Variants in NYNRIN observed in about 807,000 individuals in gnomAD.
NYNRIN encodes protein NYNRIN.
NYNRIN carries 86 observed loss-of-function variants against 146.6 expected under a neutral mutation model. The observed-to-expected ratio is 0.59, with a 90% CI of 0.49 to 0.70. The LOEUF (loss-of-function observed/expected upper bound fraction) is 0.70, where lower values mean the gene tolerates loss of function less well. Among genes scored for constraint, NYNRIN ranks in the 30% least tolerant of loss-of-function variants. The probability of loss-of-function intolerance (pLI) is 0.00; values close to 1 mark genes in which losing one functional copy is unlikely to be tolerated. For missense variants in NYNRIN, 2,191 were observed against 2,377.7 expected (o/e 0.92, Z 1.63); for synonymous variants, 1,027 against 1,001.3 (o/e 1.03, Z -0.48).
Position 24,410,107 on chromosome 14 carries a change from C to T in NYNRIN, c.2313C>T (p.Tyr771=). 6.2e-7 allele frequency: 1 copy of T among 1,613,992 alleles called. No homozygotes were observed. Among genetic ancestry groups the T allele is most frequent in the Non-Finnish European group, 8.5e-7 (1 of 1,179,916 alleles). ...GCACAGTGACCAGCTTCCAGAGGTA[C>T]CACGAGGCCCTGAATACACCCTTCG... ...ANSTVTSFQR[Y]HEALNTPFEL... Residue 771 remains tyrosine, a synonymous_variant, in exon 4 of 9, where the codon TAC becomes TAT. Transcript: ENST00000382554.
chr14:24,417,257 C>G lies in NYNRIN; in HGVS notation c.5508C>G (p.Ser1836=). ...TGGGTGACCAGGTCCTTTTGCTGTC[C>G]CTCCCCAGGAATGGCAGCAGTGCCA... ...WNVGDQVLLL[S]LPRNGSSAKW... Residue 1836 remains serine, a synonymous_variant, in exon 9 of 9, where the codon TCC becomes TCG. Coordinates refer to ENST00000382554, the MANE Select transcript of NYNRIN (RefSeq NM_025081.3). 1 of 1,614,024 alleles carries G rather than the reference C, an allele frequency of 6.2e-7. No homozygotes were observed. The highest frequency in any genetic ancestry group is 2.2e-5 in the East Asian group (1 of 44,876).
At chr14:24,406,826 G>T (rs573293094) in intron 2 of NYNRIN, among the ~76,000 whole-genome samples, 1 of 152,226 alleles carries the variant, frequency 6.6e-6, no homozygotes. Flanking sequence ...TCATGGGACC[G>T]CACAGATGGA....
intron 6 of NYNRIN, chr14:24,412,746 T>A: frequency 2.6e-6 from 1 of 381,030 alleles, no homozygotes; most frequent in Non-Finnish European, 4.8e-6. Flanking sequence ...ATAACAGGGG[T>A]GTGTGTTTGT....
rs1329204270 is a variant in NYNRIN, at chr14:24,415,424, C to T, written c.3675C>T (p.Asp1225=). The change falls in exon 9 of 9, where the codon GAC becomes GAT. Residue 1225 remains aspartate (D), a synonymous_variant. Coordinates refer to ENST00000382554, the MANE Select transcript of NYNRIN (RefSeq NM_025081.3). ...ALKHFSRCIG[D]TPVVLDLSYA... ...AGCATTTTTCCCGCTGCATTGGAGACACCCCGGTGGTCCTGGACCTTTCCT... is the reference window on the plus strand; with the variant it reads ...AGCATTTTTCCCGCTGCATTGGAGATACCCCGGTGGTCCTGGACCTTTCCT... 2.8e-5 allele frequency: 45 copies of T among 1,613,978 alleles called. No individual in the cohort carries two copies. Among genetic ancestry groups the T allele is most frequent in the South Asian group, 7.7e-5 (7 of 91,088 alleles).
In NYNRIN at chr14:24,414,587, T is replaced by G. The variant is rs758449555; in HGVS notation, c.2847-9T>G. 4.4e-6 allele frequency: 7 copies of G among 1,598,180 alleles called. No homozygotes were observed. Among genetic ancestry groups the G allele is most frequent in the Middle Eastern group, 3.4e-4 (2 of 5,942 alleles). On this transcript the variant is annotated splice_polypyrimidine_tract_variant and intron_variant, in intron 8 of 8. Transcript: ENST00000382554. The stretch of plus-strand genomic sequence containing the variant: ...GCTGCCCTTCCCTCTTCCATCTGTT[T>G]TGGTGTAGGTTGGACACTGACATTG...
In NYNRIN at chr14:24,408,379, G is replaced by A. The variant is rs779532173; in HGVS notation, c.709G>A (p.Val237Met). 42 of 1,613,784 alleles carry A rather than the reference G, an allele frequency of 2.6e-5. No homozygotes were observed. In the East Asian group the frequency reaches 2.9e-4, roughly 11 times the overall value. The change falls in exon 3 of 9, where the codon GTG becomes ATG. Residue 237 changes from valine (V) to methionine (M), a missense_variant. Val to Met is a conservative substitution (Grantham distance 21). Coordinates refer to ENST00000382554, the MANE Select transcript of NYNRIN (RefSeq NM_025081.3). ...QQKEAPAMVS[V>M]GESPGPFVDM... ...GAAGGAAGCCCCAGCCATGGTGTCC[G>A]TGGGAGAGAGTCCTGGACCCTTTGT...
chr14:24,407,820 G>T (rs1039643318), intron 2 of NYNRIN, 49 bp from the exon 3 acceptor site: 1 of 1,521,992 alleles, frequency 6.6e-7, no homozygotes, highest in East Asian at 2.3e-5. Context: ...AGATCCAGGG[G>T]CAGGCCCCCA....
rs778480620 is a variant in NYNRIN, at chr14:24,408,277, A to C, written c.607A>C (p.Ile203Leu). 10 of 1,611,864 alleles carry C rather than the reference A, an allele frequency of 6.2e-6. 1 individual carries two copies. In the South Asian group the frequency reaches 9.9e-5, roughly 16 times the overall value. Residue 203 changes from isoleucine (I) to leucine (L), a missense_variant, in exon 3 of 9, where the codon ATC (isoleucine) becomes CTC (leucine). By Grantham distance (5) the Ile-to-Leu change is conservative (BLOSUM62 2). This residue lies in a region of NYNRIN where 895 missense variants were observed against 941.2 expected (regional missense o/e 0.95). Coordinates refer to ENST00000382554, the MANE Select transcript of NYNRIN (RefSeq NM_025081.3). ...GGATGCTGCGGGCAAGGAAGACATC[A>C]TCGAGTGGCTCAGCCGCTTCGGCAT... is the stretch of plus-strand genomic sequence containing the variant. ...VRDAAGKEDIIEWLSRFGISD... is the reference protein window; with the variant it reads ...VRDAAGKEDILEWLSRFGISD...
Position 24,415,561 on chromosome 14 carries a change from A to G in NYNRIN, c.3812A>G (p.Glu1271Gly). ...CAGGACAAAGGCAAGAGGGCCCTGG[A>G]ATTGGCCCTCCTCCAGGGCCTGCTG... is the stretch of plus-strand genomic sequence containing the variant. ...LVQDKGKRAL[E>G]LALLQGLLGE... Residue 1271 changes from glutamate to glycine, a missense_variant, in exon 9 of 9, where the codon GAA becomes GGA. Transcript: ENST00000382554. The G allele has an allele frequency of 6.2e-7, 1 of 1,613,826 alleles. No homozygotes were observed. The highest frequency in any genetic ancestry group is 1.3e-5 in the African/African-American group (1 of 75,002).
rs751416767 is a variant in NYNRIN, at chr14:24,408,335, T to A, written c.665T>A (p.Ile222Asn). The part of the protein sequence containing the change: ...SDSHSDPEVL[I>N]CPPQQQKEAP... ...TCCCACTCCGATCCGGAGGTTCTAA[T>A]CTGCCCTCCCCAGCAGCAGAAGGAA... The change falls in exon 3 of 9, where the codon ATC becomes AAC. Residue 222 changes from isoleucine to asparagine, a missense_variant. Ile to Asn is a moderately radical substitution (Grantham distance 149). Coordinates refer to ENST00000382554, the MANE Select transcript of NYNRIN (RefSeq NM_025081.3). 1 of 1,613,794 alleles carries A rather than the reference T, an allele frequency of 6.2e-7. No individual in the cohort carries two copies. Among genetic ancestry groups the A allele is most frequent in the Non-Finnish European group, 8.5e-7 (1 of 1,179,902 alleles).
chr14:24,417,436 T>C lies in NYNRIN; in HGVS notation c.5687T>C (p.Leu1896Ser). 1 of 1,493,720 alleles carries C rather than the reference T, an allele frequency of 6.7e-7. No individual in the cohort carries two copies. Among genetic ancestry groups the C allele is most frequent in the African/African-American group, 1.4e-5 (1 of 71,594 alleles). The allele number at this position is 1,493,720 out of a possible 1,614,324, so 92.5% of individuals were successfully genotyped here. Residue 1896 changes from leucine (L) to serine (S), a missense_variant, in exon 9 of 9, where the codon TTG becomes TCG. Physicochemically the swap from Leu to Ser is moderately radical, Grantham distance 145. This residue lies in a region of NYNRIN where 1,291 missense variants were observed against 1,417.0 expected (regional missense o/e 0.91). Coordinates refer to ENST00000382554, the MANE Select transcript of NYNRIN (RefSeq NM_025081.3). ...GGCACCCCGCTGTCCTTCAAGGTCTTGGAGCAGTGAGCGGGAGCAGCGGGG... is the reference window on the plus strand; with the variant it reads ...GGCACCCCGCTGTCCTTCAAGGTCTCGGAGCAGTGAGCGGGAGCAGCGGGG... The part of the protein sequence containing the change: ...KSGTPLSFKV[L>S]EQ
rs2139339471 is a variant in NYNRIN at position 24,399,547 on chromosome 14, C to T, written c.198+103C>T. ...CCGCAGAGACACCACCCACCCTGCC[C>T]CCGCCTGGATTTGGCAGTGTGGCAG... On this transcript the variant is annotated intron_variant, in intron 2 of 8. Transcript: ENST00000382554. The T allele has an allele frequency of 5.6e-6, 6 of 1,074,758 alleles. 1 individual carries two copies. In the Middle Eastern group the frequency reaches 1.1e-3, roughly 205 times the overall value. The allele number at this position is 1,074,758 out of a possible 1,614,324, so 66.6% of individuals were successfully genotyped here. A position where few individuals can be genotyped will look rare whatever the true frequency, so the allele number is the denominator to read the frequency against.
In NYNRIN at chr14:24,414,633, A is replaced by T; in HGVS notation, c.2884A>T (p.Lys962Ter). 2 of 1,613,662 alleles carry T rather than the reference A, an allele frequency of 1.2e-6. No individual in the cohort carries two copies. Among genetic ancestry groups the T allele is most frequent in the Non-Finnish European group, 1.7e-6 (2 of 1,179,684 alleles). Reference protein sequence around the residue: ...TDIGNFLKVWKTLPPSSASVT... With the variant: ...TDIGNFLKVW The stretch of plus-strand genomic sequence containing the variant: ...CATTGGCAACTTCCTGAAGGTGTGG[A>T]AGACCCTTCCTCCCAGCTCAGCCAG... The change falls in exon 9 of 9, where the codon AAG becomes TAG. Residue 962 changes from lysine (K) to a stop codon, truncating the protein, a stop_gained. Coordinates refer to ENST00000382554, the MANE Select transcript of NYNRIN (RefSeq NM_025081.3). LOFTEE classifies it high-confidence loss of function.
In NYNRIN at chr14:24,399,047, G is replaced by T; in HGVS notation, c.-57G>T. The T allele has an allele frequency of 3.8e-6, 2 of 525,158 alleles. No homozygotes were observed. The highest frequency in any genetic ancestry group is 5.0e-5 in the South Asian group (2 of 40,272). 32.5% of individuals were successfully genotyped at this position (525,158 alleles called of 1,614,324 possible). ...CTCGTCGCGGTAGCAGCGGTCGAAG[G>T]GGACCAAGCTCCAGAGGGCGGGCGC... is the stretch of plus-strand genomic sequence containing the variant. On this transcript the variant is annotated 5_prime_UTR_variant, in exon 1 of 9. Coordinates refer to ENST00000382554, the MANE Select transcript of NYNRIN (RefSeq NM_025081.3).
In NYNRIN at chr14:24,409,566, C is replaced by G; in HGVS notation, c.1772C>G (p.Ala591Gly). The stretch of plus-strand genomic sequence containing the variant: ...CCTGCAGCTCCCGAAGTGCCTTTGG[C>G]TCCAACAAAGCCAACAGCTCAACTG... ...TEPAAPEVPLAPTKPTAQLMA... is the reference protein window; with the variant it reads ...TEPAAPEVPLGPTKPTAQLMA... Residue 591 changes from alanine to glycine, a missense_variant, in exon 4 of 9, where the codon GCT becomes GGT. By Grantham distance (60) the Ala-to-Gly change is moderately conservative. Transcript: ENST00000382554. 1 of 1,611,242 alleles carries G rather than the reference C, an allele frequency of 6.2e-7. No homozygotes were observed. The highest frequency in any genetic ancestry group is 8.5e-7 in the Non-Finnish European group (1 of 1,178,660).
At chr14:24,399,163 T>C in intron 1 of NYNRIN, 67 bp from the exon 2 acceptor site, 1 of 1,330,730 alleles carries the variant, frequency 7.5e-7, no homozygotes, top group Non-Finnish European at 1.0e-6. Context: ...CTTAGGCGCC[T>C]GGGGCTGGGG....
Position 24,399,271 on chromosome 14 carries a change from C to T in NYNRIN, c.25C>T (p.Pro9Ser), listed in dbSNP as rs1438169552. The change falls in exon 2 of 9, where the codon CCG becomes TCG. Residue 9 changes from proline (P) to serine (S), a missense_variant. This residue lies in a region of NYNRIN where 895 missense variants were observed against 941.2 expected (regional missense o/e 0.95). Coordinates refer to ENST00000382554, the MANE Select transcript of NYNRIN (RefSeq NM_025081.3). MLLSGGDP[P>S]AQEWFMVQTK... ...CATGCTCCTGTCTGGGGGCGATCCT[C>T]CGGCGCAGGAATGGTTCATGGTGCA... The T allele has an allele frequency of 3.7e-6, 6 of 1,613,916 alleles. No individual in the cohort carries two copies. Among genetic ancestry groups the T allele is most frequent in the Non-Finnish European group, 2.5e-6 (3 of 1,179,856 alleles).
intron 2 of NYNRIN, among the ~76,000 whole-genome samples, chr14:24,403,439 T>C (rs1435248368): frequency 6.6e-6 from 1 of 152,250 alleles, no homozygotes; most frequent in Non-Finnish European, 1.5e-5. Context: ...TCCTTTGCCT[T>C]TTTTCTTTGC....
chr14:24,409,542 C>G lies in NYNRIN; in HGVS notation c.1748C>G (p.Pro583Arg), dbSNP rs1451330282. ...ATGATGCTGGCAGTGCACACAGAGC[C>G]TGCAGCTCCCGAAGTGCCTTTGGCT... The part of the protein sequence containing the change: ...SRMMLAVHTE[P>R]AAPEVPLAPT... The change falls in exon 4 of 9, where the codon CCT (proline) becomes CGT (arginine). Residue 583 changes from proline (P) to arginine (R), a missense_variant. Coordinates refer to ENST00000382554, the MANE Select transcript of NYNRIN (RefSeq NM_025081.3). 6.2e-7 allele frequency: 1 copy of G among 1,612,352 alleles called. No homozygotes were observed. The highest frequency in any genetic ancestry group is 2.2e-5 in the East Asian group (1 of 44,852).
Sources: allele counts gnomAD v4.1 joint callset (sites outside exome capture counted in the v4.1 genomes callset), GRCh38; gene constraint gnomAD v4.1.1; regional missense constraint gnomAD v4.1.1; transcripts MANE v1.5; gene names NCBI Gene and HGNC (gene_info 2026-07-23, HGNC 2026-07-21).